The following RIMS2 variants were observed in gnomAD, a reference collection of about 807,000 sequenced individuals.
RIMS2 encodes regulating synaptic membrane exocytosis protein 2.
Under a neutral mutation model 174.4 loss-of-function variants are expected in RIMS2, and 59 were observed. That is an observed-to-expected ratio of 0.34 (90% CI 0.27 to 0.42). The LOEUF is 0.42. RIMS2 is among the 10% of genes least tolerant of loss of function. The pLI is 1.00. For synonymous variants in RIMS2, 606 were observed against 572.5 expected (o/e 1.06, Z -0.84); for missense variants, 1,620 against 1,666.3 (o/e 0.97, Z 0.48).
At chr8:103,509,052 T>G (rs1825179262) in intron 1 of RIMS2, among the ~76,000 whole-genome samples, 1 of 152,214 alleles carries the variant, frequency 6.6e-6, no homozygotes, top group South Asian at 2.1e-4. Flanking sequence ...TTTTATTGTT[T>G]TAGTTATTCT....
At chr8:103,512,778 A>G (rs1415334842) in intron 1 of RIMS2, among the ~76,000 whole-genome samples, 1 of 152,168 alleles carries the variant, frequency 6.6e-6, no homozygotes, top group African/African-American at 2.4e-5. Flanking sequence ...CCGCTTTACA[A>G]TTTTGTCTTA....
At chr8:103,975,309 T>C (rs1361829386) in intron 15 of RIMS2, 41 bp from the exon 18 acceptor site, 1 of 1,447,304 alleles carries the variant, frequency 6.9e-7, no homozygotes, top group African/African-American at 1.4e-5. Context: ...AAGGACTTTG[T>C]ACATACATAA....
intron 1 of RIMS2, among the ~76,000 whole-genome samples, chr8:103,591,090 AT>A (rs2094232883): frequency 6.6e-6 from 1 of 150,762 alleles, no homozygotes; most frequent in African/African-American, 2.4e-5. Context: ...GTTCACTAAC[AT>A]TTTGTGTTCA....
At chr8:103,826,321 CT>C (rs577712027) in intron 3 of RIMS2, among the ~76,000 whole-genome samples, 48 of 146,424 alleles carry the variant, frequency 3.3e-4, no homozygotes, top group East Asian at 1.2e-3. Flanking sequence ...AGGCAACTAT[CT>C]TTTTTTTTTT....
At chr8:103,750,406 G>C (rs2097872267) in intron 2 of RIMS2, among the ~76,000 whole-genome samples, 1 of 152,086 alleles carries the variant, frequency 6.6e-6, no homozygotes, top group Non-Finnish European at 1.5e-5. Flanking sequence ...CAGTTATGAT[G>C]CTTAAATTAC....
chr8:104,120,964 A>T (rs1023724058), intron 19 of RIMS2, among the ~76,000 whole-genome samples: 17 of 151,924 alleles, frequency 1.1e-4, no homozygotes, highest in African/African-American at 3.9e-4. Context: ...GAGCTAATTA[A>T]CCTCCTTCTT....
At chr8:103,929,415 A>G (rs1344568606) in intron 11 of RIMS2, among the ~76,000 whole-genome samples, 1 of 151,854 alleles carries the variant, frequency 6.6e-6, no homozygotes, top group Non-Finnish European at 1.5e-5. Flanking sequence ...AGGTTCTCAT[A>G]GAAATCAATA....
chr8:103,642,720 T>C (rs1201931383), intron 1 of RIMS2, among the ~76,000 whole-genome samples: 1 of 152,010 alleles, frequency 6.6e-6, no homozygotes, highest in Non-Finnish European at 1.5e-5. Context: ...TTGGTTTCTT[T>C]ATTCAACACT....
intron 1 of RIMS2, among the ~76,000 whole-genome samples, chr8:103,669,649 G>A (rs1488568883): frequency 6.6e-6 from 1 of 152,234 alleles, no homozygotes; most frequent in Non-Finnish European, 1.5e-5. Context: ...CCCCATGCAA[G>A]TCTGAAATCC....
chr8:104,108,513 G>A (rs1473058816), intron 19 of RIMS2, among the ~76,000 whole-genome samples: 1 of 151,786 alleles, frequency 6.6e-6, no homozygotes, highest in Non-Finnish European at 1.5e-5. Context: ...TGCCCAGGCT[G>A]GTCTCAAACT....
intron 1 of RIMS2, among the ~76,000 whole-genome samples, chr8:103,644,047 C>G (rs1367727659): frequency 6.6e-6 from 1 of 151,864 alleles, no homozygotes; most frequent in Non-Finnish European, 1.5e-5. Flanking sequence ...CTATTAGATA[C>G]AGGAGAGGAT....
At chr8:103,836,582 TAAATA>T (rs1418908500) in intron 3 of RIMS2, among the ~76,000 whole-genome samples, 2 of 152,104 alleles carry the variant, frequency 1.3e-5, no homozygotes, top group Non-Finnish European at 2.9e-5. Context: ...AATAAATAAA[TAAATA>T]AAATTTCCTA....
exon 15 of RIMS2, chr8:103,961,098 A>T: frequency 6.6e-7 from 1 of 1,512,004 alleles, no homozygotes; most frequent in East Asian, 2.3e-5. Flanking sequence ...GAAGTCTCTG[A>T]CTATGACTGT....
At chr8:104,148,215 A>G (rs1357812661) in intron 19 of RIMS2, among the ~76,000 whole-genome samples, 2 of 114,434 alleles carry the variant, frequency 1.7e-5, no homozygotes, top group East Asian at 4.8e-4. Context: ...TTGTCTAATT[A>G]CCTTTTGAAG....
intron 19 of RIMS2, among the ~76,000 whole-genome samples, chr8:104,215,136 A>G (rs1227246575): frequency 6.6e-6 from 1 of 152,248 alleles, no homozygotes; most frequent in East Asian, 1.9e-4. Context: ...AGTTAAGCAA[A>G]AAATCTATGA....
chr8:103,546,263 A>G (rs566401406), intron 1 of RIMS2, among the ~76,000 whole-genome samples: 1 of 152,216 alleles, frequency 6.6e-6, no homozygotes, highest in African/African-American at 2.4e-5. Context: ...CTTTAACCCA[A>G]CAATGATTTA....
intron 19 of RIMS2, among the ~76,000 whole-genome samples, chr8:104,104,526 T>C (rs577951392): frequency 1.3e-5 from 2 of 152,242 alleles, no homozygotes; most frequent in African/African-American, 4.8e-5. Context: ...ACTGATGAAG[T>C]AGGATAAAAC....
In RIMS2 at chr8:103,521,962, T is replaced by A. The variant is rs112065146; in HGVS notation, c.176+20900T>A. Among the ~76,000 whole-genome samples, 1,138 of 152,290 alleles carry A rather than the reference T, an allele frequency of 7.5e-3. 20 individuals are homozygous for A. Among genetic ancestry groups the A allele is most frequent in the Non-Finnish European group, 7.3e-3 (495 of 67,994 alleles). ...TTTCTTTTCCACTCTCCAATCTCTA[T>A]TAGTTTTGTAATATCAGGCTAGTAA... On this transcript the variant is annotated intron_variant, in intron 1 of 23. Coordinates refer to ENST00000504942, the Ensembl canonical transcript of RIMS2.
chr8:103,665,266 A>G (rs942231953), intron 1 of RIMS2, among the ~76,000 whole-genome samples: 4 of 152,250 alleles, frequency 2.6e-5, no homozygotes, highest in African/African-American at 7.2e-5. Context: ...CCTAGAACTT[A>G]AAGTATAATG....
Sources: allele counts gnomAD v4.1 joint callset (sites outside exome capture counted in the v4.1 genomes callset), GRCh38; gene constraint gnomAD v4.1.1; transcripts MANE v1.5; gene names NCBI Gene and HGNC (gene_info 2026-07-23, HGNC 2026-07-21).